The following STK33 variants were observed in gnomAD, a reference collection of about 807,000 sequenced individuals.
The protein encoded by STK33 is serine/threonine kinase 33.
In STK33, 52 loss-of-function variants were observed where a neutral mutation model predicts 58.0. That is an observed-to-expected ratio of 0.90 (90% CI 0.72 to 1.13). STK33 has a LOEUF of 1.13. STK33 is among the 50% of genes most tolerant of loss of function. The pLI is 0.00. For missense variants in STK33, 630 were observed against 604.2 expected, an observed-to-expected ratio of 1.04 and a Z score of -0.45; for synonymous variants, 215 against 200.1, an observed-to-expected ratio of 1.07 and a Z score of -0.63.
chr11:8,455,724 T>C (rs1379824630), intron 9 of STK33, among the ~76,000 whole-genome samples: 1 of 135,918 alleles, frequency 7.4e-6, no homozygotes, highest in East Asian at 2.3e-4. Context: ...GGCAGGAGAA[T>C]GGCGTGAGGC....
In STK33 at chr11:8,527,965, C is replaced by T. The variant is rs145888203; in HGVS notation, c.-465-47351G>A. On this transcript the variant is annotated intron_variant, in intron 1 of 15. Coordinates refer to ENST00000687296, the MANE Select transcript of STK33 (RefSeq NM_001352389.2). ...TCTTATTTCATATTCCATACACAACCTTCTAGTTGTAATGTGTTTTTTCAT... is the reference window on the plus strand; with the variant it reads ...TCTTATTTCATATTCCATACACAACTTTCTAGTTGTAATGTGTTTTTTCAT... 7.0e-3 allele frequency among the ~76,000 whole-genome samples: 1,063 copies of T among 152,164 alleles called. 13 individuals carry two copies. The highest frequency in any genetic ancestry group is 0.023 in the African/African-American group (968 of 41,508).
intron 6 of STK33, among the ~76,000 whole-genome samples, chr11:8,471,580 G>A (rs1948785605): frequency 6.6e-6 from 1 of 151,884 alleles, no homozygotes; most frequent in Non-Finnish European, 1.5e-5. Context: ...ATAGAATTGT[G>A]GATGCTTGTA....
chr11:8,445,050 T>C (rs1287499856), intron 11 of STK33, among the ~76,000 whole-genome samples: 1 of 152,226 alleles, frequency 6.6e-6, no homozygotes, highest in Non-Finnish European at 1.5e-5. Flanking sequence ...TTGTGTCCTC[T>C]CTTATTTCCT....
At chr11:8,398,792 A>C (rs1421335588) in intron 15 of STK33, among the ~76,000 whole-genome samples, 2 of 142,338 alleles carry the variant, frequency 1.4e-5, no homozygotes, top group Admixed American at 6.9e-5. Context: ...GGAAAACAAA[A>C]AAAAAAAAAG....
intron 6 of STK33, among the ~76,000 whole-genome samples, chr11:8,470,719 A>G (rs955815491): frequency 2.0e-5 from 3 of 152,126 alleles, no homozygotes; most frequent in African/African-American, 7.2e-5. Context: ...ATTGTCTCTC[A>G]GGGACTAGGA....
chr11:8,506,714 G>A (rs955802250), intron 1 of STK33, among the ~76,000 whole-genome samples: 1 of 152,110 alleles, frequency 6.6e-6, no homozygotes, highest in Non-Finnish European at 1.5e-5. Flanking sequence ...CCAGGAATTA[G>A]GACGTGGACA....
At chr11:8,457,683 T>C (rs984931117) in intron 8 of STK33, among the ~76,000 whole-genome samples, 2 of 152,106 alleles carry the variant, frequency 1.3e-5, no homozygotes, top group Admixed American at 6.5e-5. Context: ...AGCTCACAAA[T>C]AGTTATCATT....
At chr11:8,516,413 T>C (rs1952786957) in intron 1 of STK33, among the ~76,000 whole-genome samples, 1 of 152,214 alleles carries the variant, frequency 6.6e-6, no homozygotes, top group Non-Finnish European at 1.5e-5. Context: ...AGCTCCAGTC[T>C]GCAGCTCCCA....
chr11:8,396,914 G>A (rs1003111529), intron 15 of STK33, among the ~76,000 whole-genome samples: 2 of 152,228 alleles, frequency 1.3e-5, no homozygotes, highest in Non-Finnish European at 2.9e-5. Flanking sequence ...GAGGCTGGGA[G>A]AGGGGCGCCC....
At position 8,411,517 on chromosome 11, in the gene STK33, A is replaced by C. The variant is rs547212035; in HGVS notation, c.1344+1978T>G. On this transcript the variant is annotated intron_variant, in intron 15 of 15. Transcript: ENST00000687296. Reference sequence around the variant, plus strand: ...TTACCCTGTCTGCTAGTTTTCCAAGAGCTCTGCCATTGTTTCAAAAGGTGT... The same window carrying C: ...TTACCCTGTCTGCTAGTTTTCCAAGCGCTCTGCCATTGTTTCAAAAGGTGT... Among the ~76,000 whole-genome samples, 223 of 152,296 alleles carry C rather than the reference A, an allele frequency of 1.5e-3. 3 individuals carry two copies. Among genetic ancestry groups the C allele is most frequent in the South Asian group, 0.012 (59 of 4,820 alleles).
chr11:8,442,758 G>T (rs1944926244), intron 11 of STK33, among the ~76,000 whole-genome samples: 1 of 152,102 alleles, frequency 6.6e-6, no homozygotes, highest in African/African-American at 2.4e-5. Context: ...GACAAAAAAA[G>T]CAACGAATTA....
intron 2 of STK33, 66 bp from the exon 3 acceptor site, chr11:8,477,349 G>A (rs576914448): frequency 2.6e-4 from 39 of 152,266 alleles, no homozygotes; most frequent in African/African-American, 8.9e-4. Context: ...ACTCAGAGCA[G>A]TGGAGTAGAT....
Position 8,464,742 on chromosome 11 carries a change from C to G in STK33, c.420G>C (p.Thr140=), listed in dbSNP as rs867873464. ...VIEATDKETE[T]KWAIKKVNKE... is the part of the protein sequence containing the mutation. ...TGTTCACTTTTTTAATTGCCCACTT[C>G]GTTTCTGTTTCCTTGTCTGTCGCTT... is the stretch of plus-strand genomic sequence containing the variant. The change falls in exon 7 of 16, where the codon ACG becomes ACC. Residue 140 remains threonine, a synonymous_variant. Transcript: ENST00000687296. 3.7e-6 allele frequency: 6 copies of G among 1,613,410 alleles called. No homozygotes were observed. The highest frequency in any genetic ancestry group is 4.2e-6 in the Non-Finnish European group (5 of 1,179,710).
chr11:8,343,631 A>T, the STK33 span, among the ~76,000 whole-genome samples: 1 of 151,906 alleles, frequency 6.6e-6, no homozygotes, highest in African/African-American at 2.4e-5. Context: ...TTCGCGCCTC[A>T]CTCCTGGGCT....
intron 11 of STK33, among the ~76,000 whole-genome samples, 185 bp from the exon 12 acceptor site, chr11:8,440,938 C>A (rs1327604649): frequency 6.6e-6 from 1 of 152,198 alleles, no homozygotes; most frequent in Non-Finnish European, 1.5e-5. Flanking sequence ...TGTAACCTCA[C>A]TCCTATCATT....
intron 6 of STK33, among the ~76,000 whole-genome samples, chr11:8,470,173 T>G (rs939822338): frequency 1.5e-4 from 23 of 152,362 alleles, no homozygotes; most frequent in African/African-American, 5.5e-4. Flanking sequence ...AAATCTGTTG[T>G]TTAGTGTAGC....
chr11:8,587,587 TAA>T (rs11312849), intron 1 of STK33, among the ~76,000 whole-genome samples: 73,146 of 141,702 alleles, frequency 0.52, 18,566 homozygotes, highest in African/African-American at 0.53. Flanking sequence ...CAATGGAAGG[TAA>T]AAAAAAAAAA....
At chr11:8,371,234 G>T in the STK33 span, among the ~76,000 whole-genome samples, 459 of 152,246 alleles carry the variant, frequency 3.0e-3, 2 homozygotes, top group Non-Finnish European at 4.8e-3. Context: ...CTAGATTTAG[G>T]GTGGGCCCCA....
chr11:8,435,321 A>G (rs1277620793), intron 14 of STK33, among the ~76,000 whole-genome samples, 173 bp downstream of exon 14: 1 of 152,232 alleles, frequency 6.6e-6, no homozygotes, highest in African/African-American at 2.4e-5. Flanking sequence ...CAACAGTTCT[A>G]ACAGTTTGAA....
Sources: gnomAD v4.1 joint callset for allele counts (sites outside exome capture counted in the v4.1 genomes callset) on GRCh38, gnomAD v4.1.1 for gene constraint, MANE v1.5 for transcripts, NCBI Gene and HGNC (gene_info 2026-07-23, HGNC 2026-07-21) for gene names.